Variants in NAMPT observed in about 807,000 individuals in gnomAD.
The protein encoded by NAMPT is NAmPRTase.
Under a neutral mutation model 58.7 loss-of-function variants are expected in NAMPT, and 7 were observed. The observed-to-expected ratio is 0.12, with a 90% CI of 0.07 to 0.22. The LOEUF is 0.22. Ranked by LOEUF, NAMPT falls within the 10% of genes least tolerant of loss-of-function variation. The pLI is 1.00. For missense variants in NAMPT, 271 were observed against 567.9 expected (o/e 0.48, Z 5.31); for synonymous variants, 145 against 198.1 (o/e 0.73, Z 2.25).
intron 3 of NAMPT, among the ~76,000 whole-genome samples, 196 bp from the exon 4 acceptor site, chr7:106,272,854 C>G (rs1403696163): frequency 6.6e-6 from 1 of 152,150 alleles, no homozygotes; most frequent in Non-Finnish European, 1.5e-5. Flanking sequence ...AACATACGTA[C>G]TGATATTAAT....
intron 1 of NAMPT, chr7:106,284,575 CCGCCGCCGCG>C (rs1442837211): frequency 4.6e-6 from 1 of 215,136 alleles, no homozygotes; most frequent in East Asian, 1.6e-4. Context: ...CGCCGCGCCG[CCGCCGCCGCG>C]CGCCCCCAGG....
intron 2 of NAMPT, 41 bp downstream of exon 2, chr7:106,276,982 A>C: frequency 6.9e-7 from 1 of 1,449,090 alleles, no homozygotes; most frequent in Admixed American, 1.7e-5. Context: ...AGGAGTTAAG[A>C]GTAATAAGCA....
chr7:106,254,258 A>C, intron 9 of NAMPT, 106 bp downstream of exon 9: 4 of 1,268,706 alleles, frequency 3.2e-6, no homozygotes, highest in Non-Finnish European at 3.4e-6. Context: ...ACAACATATT[A>C]ACAGTCCACG....
upstream of NAMPT, chr7:106,285,186 C>G: frequency 1.6e-6 from 2 of 1,217,600 alleles, no homozygotes; most frequent in Admixed American, 4.2e-5. Context: ...GGGCGGGGCG[C>G]GGCAGCGCGC....
chr7:106,254,234 G>A (rs536643584), intron 9 of NAMPT, 130 bp downstream of exon 9: 2 of 948,726 alleles, frequency 2.1e-6, no homozygotes, highest in South Asian at 1.7e-5. Flanking sequence ...CTGAGTTAAG[G>A]TCAGTAGTAC....
chr7:106,263,343 G>C lies in NAMPT; in HGVS notation c.969+49C>G, dbSNP rs144888107. The C allele has an allele frequency of 0.013, 16,488 of 1,304,962 alleles. 158 individuals are homozygous for C. The highest frequency in any genetic ancestry group is 0.014 in the Non-Finnish European group (13,106 of 904,232). The allele number at this position is 1,304,962 out of a possible 1,614,324, so 80.8% of individuals were successfully genotyped here. On this transcript the variant is annotated intron_variant, in intron 7 of 10. Transcript: ENST00000222553. ...ATAAATGAAAAGTAGTATTGATGCA[G>C]CTGGCCTACAGAGGGATTCTAATAA... is the stretch of plus-strand genomic sequence containing the variant.
At chr7:106,267,283 A>G (rs775928138) in intron 6 of NAMPT, among the ~76,000 whole-genome samples, 1 of 152,216 alleles carries the variant, frequency 6.6e-6, no homozygotes, top group Non-Finnish European at 1.5e-5. Flanking sequence ...TTACTAGTGT[A>G]TTATTTTCAT....
At chr7:106,269,723 C>CG in intron 4 of NAMPT, among the ~76,000 whole-genome samples, 1 of 152,156 alleles carries the variant, frequency 6.6e-6, no homozygotes, top group Admixed American at 6.5e-5. Flanking sequence ...TTTCTAAATG[C>CG]TTACTCTTCA....
At chr7:106,253,720 A>T (rs979657138) in intron 9 of NAMPT, 8 of 153,566 alleles carry the variant, frequency 5.2e-5, no homozygotes, top group African/African-American at 1.7e-4. Flanking sequence ...TAGGCAGCAA[A>T]GAAACAGAAA....
At chr7:106,280,271 G>A (rs1403002771) in intron 1 of NAMPT, among the ~76,000 whole-genome samples, 1 of 152,070 alleles carries the variant, frequency 6.6e-6, no homozygotes, top group Non-Finnish European at 1.5e-5. Context: ...GATAATGAGG[G>A]AGAAGAATTA....
At chr7:106,284,462 G>C (rs1315597242) in intron 1 of NAMPT, 1 of 152,418 alleles carries the variant, frequency 6.6e-6, no homozygotes, top group African/African-American at 2.4e-5. Context: ...CCAAGAGGCC[G>C]CGCTTCAGGG....
Position 106,253,156 on chromosome 7 carries a change from A to T in NAMPT, c.1231-5T>A, listed in dbSNP as rs1370664597. On this transcript the variant is annotated splice_polypyrimidine_tract_variant and splice_region_variant and intron_variant, in intron 9 of 10. Transcript: ENST00000222553. ...TGGGTCCTTGAAGACGTTAATCTGA[A>T]ATCCAAATTAAGAAAGTTAGACAAG... 1.2e-6 allele frequency: 2 copies of T among 1,610,282 alleles called. No individual in the cohort carries two copies. Among genetic ancestry groups the T allele is most frequent in the East Asian group, 2.2e-5 (1 of 44,832 alleles).
Position 106,251,148 on chromosome 7 carries a change from A to G in NAMPT, c.1411T>C (p.Tyr471His). Reference protein sequence around the residue: ...VFKNGKVTKSYSFDEIRKNAQ... With the variant: ...VFKNGKVTKSHSFDEIRKNAQ... ...TTTTTTCTTATTTCATCAAATGAAT[A>G]GCTTTTTGTCACCTTGCCATTCTTG... The change falls in exon 11 of 11, where the codon TAT (tyrosine) becomes CAT (histidine). Residue 471 changes from tyrosine to histidine, a missense_variant. By Grantham distance (83) the Tyr-to-His change is moderately conservative. This residue lies in a region of NAMPT where 143 missense variants were observed against 331.1 expected (regional missense o/e 0.43). Transcript: ENST00000222553. 2 of 1,607,860 alleles carry G rather than the reference A, an allele frequency of 1.2e-6. No homozygotes were observed. The highest frequency in any genetic ancestry group is 1.7e-6 in the Non-Finnish European group (2 of 1,174,658).
At chr7:106,254,260 C>T (rs1226445275) in intron 9 of NAMPT, 104 bp downstream of exon 9, 2 of 1,280,038 alleles carry the variant, frequency 1.6e-6, no homozygotes, top group Non-Finnish European at 2.2e-6. Flanking sequence ...AACATATTAA[C>T]AGTCCACGGC....
At chr7:106,269,019 T>C (rs191051085) in intron 5 of NAMPT, 135 bp downstream of exon 5, 2 of 771,578 alleles carry the variant, frequency 2.6e-6, no homozygotes, top group Admixed American at 5.7e-5. Flanking sequence ...TAGTAGGTAC[T>C]GAATATGTAT....
chr7:106,252,629 T>C (rs1792122791), intron 10 of NAMPT, among the ~76,000 whole-genome samples: 2 of 152,126 alleles, frequency 1.3e-5, no homozygotes, highest in Non-Finnish European at 2.9e-5. Flanking sequence ...TAGTGTACTG[T>C]AAATTTTTCT....
rs1792058166 is a variant in NAMPT at position 106,248,658 on chromosome 7, TA to T, written c.*2424del. 6.6e-6 allele frequency: 1 copy of T among 152,098 alleles called. No homozygotes were observed. The highest frequency in any genetic ancestry group is 6.6e-5 in the Admixed American group (1 of 15,234). 9.4% of individuals were successfully genotyped at this position (152,098 alleles called of 1,614,324 possible). A position where few individuals can be genotyped will look rare whatever the true frequency, so the allele number is the denominator to read the frequency against. On this transcript the variant is annotated 3_prime_UTR_variant, in exon 11 of 11. Transcript: ENST00000222553. ...TCCTACCTCCTATTTAAGATATAAA[TA>T]CTTGATGATATAATCAATCAAGAGG... is the stretch of plus-strand genomic sequence containing the variant.
At chr7:106,259,435 TTC>T (rs1491488094) in intron 8 of NAMPT, among the ~76,000 whole-genome samples, 4 of 152,172 alleles carry the variant, frequency 2.6e-5, no homozygotes, top group African/African-American at 9.7e-5. Flanking sequence ...AATATATTTC[TTC>T]TTTTTTTTGA....
chr7:106,264,331 T>C (rs1376317527), intron 6 of NAMPT, among the ~76,000 whole-genome samples: 1 of 152,016 alleles, frequency 6.6e-6, no homozygotes, highest in Non-Finnish European at 1.5e-5. Flanking sequence ...ATAAGAATGG[T>C]TATAGTGATT....
Sources: allele counts gnomAD v4.1 joint callset (sites outside exome capture counted in the v4.1 genomes callset), GRCh38; gene constraint gnomAD v4.1.1; regional missense constraint gnomAD v4.1.1; transcripts MANE v1.5; gene names NCBI Gene and HGNC (gene_info 2026-07-23, HGNC 2026-07-21).